The following SPTAN1 variants were observed in gnomAD, a reference collection of about 807,000 sequenced individuals.
SPTAN1 encodes the protein spectrin alpha, non-erythrocytic 1, also known as spectrin alpha chain, non-erythrocytic 1.
SPTAN1 carries 61 observed loss-of-function variants against 331.3 expected under a neutral mutation model. The ratio of observed to expected loss-of-function variants is 0.18; its 90% CI spans 0.15 to 0.23. The LOEUF (loss-of-function observed/expected upper bound fraction) is 0.23, where lower values mean the gene tolerates loss of function less well. Among genes scored for constraint, SPTAN1 ranks in the 10% least tolerant of loss-of-function variants. The pLI is 1.00. For missense variants in SPTAN1, 2,043 were observed against 3,147.9 expected, an observed-to-expected ratio of 0.65 and a Z score of 8.40; for synonymous variants, 1,153 against 1,173.9, an observed-to-expected ratio of 0.98 and a Z score of 0.36.
intron 4 of SPTAN1, 45 bp downstream of exon 4, chr9:128,574,860 AG>A (rs1564207018): frequency 1.2e-6 from 2 of 1,613,150 alleles, no homozygotes; most frequent in East Asian, 4.5e-5. Flanking sequence ...CTCAAAGAAA[AG>A]GGAAGAGACT....
rs74482094 is a variant in SPTAN1 at position 128,609,988 on chromosome 9, G to A, written c.4773+323G>A. 0.023 allele frequency among the ~76,000 whole-genome samples: 3,497 copies of A among 152,280 alleles called. 136 individuals carry two copies. The highest frequency in any genetic ancestry group is 0.08 in the African/African-American group (3,324 of 41,540). On this transcript the variant is annotated intron_variant, in intron 37 of 56. Transcript: ENST00000372739. ...GCTTCCTTTTGAAGATGGAACATCAGCTTCAGCTTTTTCTGTGTAGACATT... is the reference window on the plus strand; with the variant it reads ...GCTTCCTTTTGAAGATGGAACATCAACTTCAGCTTTTTCTGTGTAGACATT...
chr9:128,632,090 G>C (rs745384778), intron 52 of SPTAN1, 37 bp from the exon 53 acceptor site: 1 of 1,605,458 alleles, frequency 6.2e-7, no homozygotes, highest in Non-Finnish European at 8.5e-7. Flanking sequence ...TGAGCTGAGG[G>C]CCCCCGTCTG....
chr9:128,577,538 T>G lies in SPTAN1; in HGVS notation c.1085+32T>G, dbSNP rs770796388. Reference sequence around the variant, plus strand: ...ATAATGCTCCAGGTCTTAACCAGTATCATTTGGCTTCTTTTTTGGAAGCAG... The same window carrying G: ...ATAATGCTCCAGGTCTTAACCAGTAGCATTTGGCTTCTTTTTTGGAAGCAG... On this transcript the variant is annotated intron_variant, in intron 8 of 56. Transcript: ENST00000372739. This position sits in a 1 kb window ranked among gnomAD's most constrained non-coding sequence, Gnocchi z 4.2. 6.2e-7 allele frequency: 1 copy of G among 1,612,298 alleles called. No homozygotes were observed.
intron 3 of SPTAN1, among the ~76,000 whole-genome samples, chr9:128,569,932 T>C (rs772560297): frequency 3.3e-5 from 5 of 152,166 alleles, no homozygotes; most frequent in Admixed American, 6.6e-5. Context: ...TTATTAACTA[T>C]TACTAATAAT....
Position 128,608,056 on chromosome 9 carries a change from G to A in SPTAN1, c.4344+7G>A. 6.2e-7 allele frequency: 1 copy of A among 1,614,168 alleles called. No individual in the cohort carries two copies. Among genetic ancestry groups the A allele is most frequent in the African/African-American group, 1.3e-5 (1 of 75,042 alleles). ...TCAGTGCCTTGAACTGCAGGTGTGT[G>A]TGCTCCTGGTTTCTGACCAAGTGTT... On this transcript the variant is annotated splice_region_variant and intron_variant, in intron 33 of 56. Coordinates refer to ENST00000372739, the MANE Select transcript of SPTAN1 (RefSeq NM_001130438.3).
At chr9:128,603,804 A>G (rs1855475772) in intron 28 of SPTAN1, among the ~76,000 whole-genome samples, 1 of 152,228 alleles carries the variant, frequency 6.6e-6, no homozygotes, top group South Asian at 2.1e-4. Flanking sequence ...AGTTCTCAAC[A>G]GTGGAGCAAG....
At position 128,633,627 on chromosome 9, in the gene SPTAN1, C is replaced by T. The variant is rs1317750308; in HGVS notation, c.*293C>T. The T allele has an allele frequency of 6.1e-6, 8 of 1,304,422 alleles. No homozygotes were observed. Among genetic ancestry groups the T allele is most frequent in the Non-Finnish European group, 8.5e-6 (8 of 945,452 alleles). 80.8% of individuals were successfully genotyped at this position (1,304,422 alleles called of 1,614,324 possible). A position where few individuals can be genotyped will look rare whatever the true frequency, so the allele number is the denominator to read the frequency against. ...TCCCACCCTCCCCCAAATCTGTTTT[C>T]ATGTAAAAGACAAATAAATGATGAC... On this transcript the variant is annotated 3_prime_UTR_variant, in exon 57 of 57. Transcript: ENST00000372739.
chr9:128,613,731 C>T lies in SPTAN1; in HGVS notation c.5148+246C>T, dbSNP rs140838494. Among the ~76,000 whole-genome samples the T allele has an allele frequency of 2.8e-3, 429 of 152,324 alleles. 10 individuals carry two copies. The East Asian group carries it at 0.041, about 15-fold the overall frequency. On this transcript the variant is annotated intron_variant, in intron 40 of 56. Transcript: ENST00000372739. ...ATTACATAAATTTTAAGGCCAGGTG[C>T]AGTGGCTTACGGCTGTAATCCCAGC...
chr9:128,591,102 C>T (rs10819418), intron 21 of SPTAN1, among the ~76,000 whole-genome samples: 143,400 of 151,712 alleles, frequency 0.95, 68,268 homozygotes, highest in Non-Finnish European at 1. Context: ...CGCTCTGACG[C>T]CCAGGCTGGA....
At chr9:128,599,798 A>C (rs1854840887) in intron 26 of SPTAN1, 1 of 504,824 alleles carries the variant, frequency 2.0e-6, no homozygotes, top group East Asian at 3.5e-5. Context: ...TGAGTACAAC[A>C]TAAAAGTTGG....
chr9:128,593,381 C>A (rs1316744596), intron 23 of SPTAN1: 2 of 364,784 alleles, frequency 5.5e-6, no homozygotes, highest in Non-Finnish European at 1.0e-5. Flanking sequence ...AAATCATATG[C>A]TTCTCTTAAA....
chr9:128,591,391 C>G (rs1853500631), intron 21 of SPTAN1, 86 bp from the exon 22 acceptor site: 4 of 1,574,812 alleles, frequency 2.5e-6, no homozygotes, highest in Middle Eastern at 1.7e-4. Flanking sequence ...AAACAACGCT[C>G]TCGTGTGTGT....
At chr9:128,584,894 C>T (rs2131172915) in intron 18 of SPTAN1, 51 bp downstream of exon 18, 2 of 1,613,026 alleles carry the variant, frequency 1.2e-6, no homozygotes, top group Non-Finnish European at 1.7e-6. Flanking sequence ...TCGTGTCTCC[C>T]CTTCTTGCCG....
intron 52 of SPTAN1, among the ~76,000 whole-genome samples, chr9:128,631,112 T>G (rs930399052): frequency 1.3e-5 from 2 of 152,152 alleles, no homozygotes; most frequent in African/African-American, 2.4e-5. Context: ...CCCAAAGTGC[T>G]GGGATTACAA....
rs1237442905 is a variant in SPTAN1, at chr9:128,627,746, G to A, written c.6690-179G>A. On this transcript the variant is annotated intron_variant, in intron 50 of 56. Coordinates refer to ENST00000372739, the MANE Select transcript of SPTAN1 (RefSeq NM_001130438.3). The surrounding 1 kb of genome is among the most constrained non-coding windows in gnomAD (Gnocchi z 4.9). ...ATCCCGGATTGAGTGGGACCATGCA[G>A]GGCGCGTGGTCAGCCCCAGCCATGA... 2.3e-6 allele frequency: 2 copies of A among 854,062 alleles called. No homozygotes were observed. Among genetic ancestry groups the A allele is most frequent in the African/African-American group, 3.3e-5 (2 of 60,648 alleles). The allele number at this position is 854,062 out of a possible 1,614,324, so 52.9% of individuals were successfully genotyped here.
chr9:128,586,060 G>A (rs1852573274), intron 19 of SPTAN1, 95 bp downstream of exon 19: 9 of 917,388 alleles, frequency 9.8e-6, no homozygotes, highest in Non-Finnish European at 1.6e-5. Flanking sequence ...CGCGGGAGGT[G>A]TGCATTACAG....
At chr9:128,609,694 A>T (rs1470358311) in intron 37 of SPTAN1, 29 bp downstream of exon 37, 1 of 1,450,304 alleles carries the variant, frequency 6.9e-7, no homozygotes, top group East Asian at 2.5e-5. Context: ...TAAGAGTTGT[A>T]GTTAAATGAG....
intron 26 of SPTAN1, 142 bp from the exon 27 acceptor site, chr9:128,599,938 A>G (rs2131471681): frequency 1.2e-6 from 1 of 855,786 alleles, no homozygotes; most frequent in Non-Finnish European, 2.0e-6. Context: ...CAGCCAAACT[A>G]TGGAGGGAAA....
chr9:128,620,649 C>A (rs1265180975), intron 44 of SPTAN1, among the ~76,000 whole-genome samples: 1 of 151,902 alleles, frequency 6.6e-6, no homozygotes, highest in Admixed American at 6.6e-5. Flanking sequence ...ACCTGGGAGG[C>A]AGAGGTTGCA....
Sources: gnomAD v4.1 joint callset for allele counts (sites outside exome capture counted in the v4.1 genomes callset) on GRCh38, gnomAD v4.1.1 for gene constraint, Gnocchi (gnomAD v3.1) non-coding constraint, MANE v1.5 for transcripts, NCBI Gene and HGNC (gene_info 2026-07-23, HGNC 2026-07-21) for gene names.